The following ITGA8 variants were observed in gnomAD, a reference collection of about 807,000 sequenced individuals.
The protein encoded by ITGA8 is integrin alpha-8.
In ITGA8, 91 loss-of-function variants were observed where a neutral mutation model predicts 142.3. That is an observed-to-expected ratio of 0.64 (90% CI 0.54 to 0.76). ITGA8 has a LOEUF of 0.76. Among genes scored for constraint, ITGA8 ranks in the 30% least tolerant of loss-of-function variants. The pLI is 0.00. For missense variants in ITGA8, 1,406 were observed against 1,327.7 expected (o/e 1.06, Z -0.92); for synonymous variants, 505 against 485.2 (o/e 1.04, Z -0.54).
chr10:15,538,208 T>C (rs1383394689), intron 27 of ITGA8, among the ~76,000 whole-genome samples: 1 of 152,042 alleles, frequency 6.6e-6, no homozygotes, highest in Non-Finnish European at 1.5e-5. Flanking sequence ...ATCCTGGGTA[T>C]TCAGTTAAAA....
chr10:15,621,178 T>G (rs983719117), intron 13 of ITGA8, among the ~76,000 whole-genome samples: 2 of 152,116 alleles, frequency 1.3e-5, no homozygotes, highest in African/African-American at 4.8e-5. Flanking sequence ...GCTTTTTTTT[T>G]TTTTCCTGGA....
At position 15,557,993 on chromosome 10, in the gene ITGA8, T is replaced by G. The variant is rs9333214; in HGVS notation, c.2766+81A>C. ...ACTGAAGGAGACCAAGAACAATCCT[T>G]GAAGTTAAAACTATCTGTATTTGAG... On this transcript the variant is annotated intron_variant, in intron 26 of 29. Coordinates refer to ENST00000378076, the MANE Select transcript of ITGA8 (RefSeq NM_003638.3). 16,744 of 1,534,776 alleles carry G rather than the reference T, an allele frequency of 0.011. 1,419 individuals carry two copies. In the African/African-American group the frequency reaches 0.19, roughly 18 times the overall value.
At chr10:15,613,087 G>T (rs974832009) in intron 15 of ITGA8, among the ~76,000 whole-genome samples, 1 of 152,132 alleles carries the variant, frequency 6.6e-6, no homozygotes, top group Non-Finnish European at 1.5e-5. Context: ...CTTGGACCTG[G>T]GAGGTGGAGG....
At chr10:15,554,657 T>G (rs779379004) in intron 26 of ITGA8, among the ~76,000 whole-genome samples, 2 of 152,202 alleles carry the variant, frequency 1.3e-5, no homozygotes, top group Non-Finnish European at 2.9e-5. Context: ...CCACTTTAGT[T>G]GAAGGGTCAA....
intron 2 of ITGA8, 74 bp downstream of exon 2, chr10:15,718,692 G>C (rs1368267512): frequency 1.3e-6 from 2 of 1,570,978 alleles, no homozygotes; most frequent in African/African-American, 2.7e-5. Flanking sequence ...CCAAGACAGC[G>C]GGAAGTCGCC....
At chr10:15,606,075 C>T (rs978424189) in intron 18 of ITGA8, among the ~76,000 whole-genome samples, 4 of 152,086 alleles carry the variant, frequency 2.6e-5, no homozygotes, top group African/African-American at 9.7e-5. Context: ...ACATTTTGAA[C>T]AAATTAAATC....
chr10:15,668,992 G>T (rs1588711117), intron 8 of ITGA8, among the ~76,000 whole-genome samples: 1 of 152,138 alleles, frequency 6.6e-6, no homozygotes, highest in African/African-American at 2.4e-5. Context: ...TGATAATTAT[G>T]TGTCTTGGAG....
chr10:15,707,173 G>A (rs760713027), intron 2 of ITGA8, among the ~76,000 whole-genome samples: 3 of 152,204 alleles, frequency 2.0e-5, no homozygotes, highest in South Asian at 4.1e-4. Flanking sequence ...ATTAGGCTAC[G>A]TGGCAAAGAG....
intron 2 of ITGA8, among the ~76,000 whole-genome samples, chr10:15,709,682 C>T (rs371173641): frequency 6.0e-4 from 91 of 152,260 alleles, no homozygotes; most frequent in African/African-American, 2.0e-3. Flanking sequence ...TATAAATAGA[C>T]TGTGAATTAA....
Position 15,651,343 on chromosome 10 carries a change from T to C in ITGA8, c.1001+4011A>G, listed in dbSNP as rs1240410014. Reference sequence around the variant, plus strand: ...AGTCTTGAGATAACGAAACTGAAGATAATTTCCCCAGCTTGTTTATATTTT... The same window carrying C: ...AGTCTTGAGATAACGAAACTGAAGACAATTTCCCCAGCTTGTTTATATTTT... On this transcript the variant is annotated intron_variant, in intron 11 of 29. Transcript: ENST00000378076. 3.3e-5 allele frequency among the ~76,000 whole-genome samples: 5 copies of C among 152,218 alleles called. 1 individual carries two copies. The South Asian group carries it at 8.3e-4, about 25-fold the overall frequency.
At chr10:15,547,966 G>C (rs2131557259) in intron 27 of ITGA8, among the ~76,000 whole-genome samples, 1 of 152,140 alleles carries the variant, frequency 6.6e-6, no homozygotes, top group African/African-American at 2.4e-5. Context: ...GTCTTTACCT[G>C]CTGGGAAAAA....
intron 23 of ITGA8, among the ~76,000 whole-genome samples, chr10:15,580,126 TAAAAA>T (rs35286236): frequency 1.8e-5 from 2 of 108,894 alleles, no homozygotes; most frequent in African/African-American, 3.6e-5. Context: ...TCAGAAAATG[TAAAAA>T]AAAAAAAAAA....
At chr10:15,683,161 C>T (rs941836502) in intron 4 of ITGA8, among the ~76,000 whole-genome samples, 4 of 152,086 alleles carry the variant, frequency 2.6e-5, no homozygotes, top group Non-Finnish European at 4.4e-5. Context: ...TGTGAATTAT[C>T]AACAAGAATG....
At chr10:15,555,849 C>G (rs1588641877) in intron 26 of ITGA8, among the ~76,000 whole-genome samples, 2 of 151,934 alleles carry the variant, frequency 1.3e-5, no homozygotes, top group Middle Eastern at 6.8e-3. Context: ...GCACCCACCA[C>G]CACGCCCGGA....
chr10:15,689,926 C>A (rs940398538), intron 2 of ITGA8, among the ~76,000 whole-genome samples: 14 of 152,170 alleles, frequency 9.2e-5, no homozygotes, highest in African/African-American at 3.4e-4. Context: ...CCTTCGGCGC[C>A]AGAACCAACT....
At chr10:15,555,485 A>C (rs1162632029) in intron 26 of ITGA8, among the ~76,000 whole-genome samples, 1 of 152,164 alleles carries the variant, frequency 6.6e-6, no homozygotes. Flanking sequence ...GGAAGGAGGG[A>C]GGATGCCCCC....
intron 2 of ITGA8, among the ~76,000 whole-genome samples, chr10:15,716,798 G>A (rs1166149459): frequency 6.6e-6 from 1 of 150,950 alleles, no homozygotes; most frequent in African/African-American, 2.4e-5. Context: ...AGCCTCCCAA[G>A]TAGCTGGGAT....
intron 15 of ITGA8, among the ~76,000 whole-genome samples, chr10:15,611,814 A>ACC: frequency 6.6e-6 from 1 of 151,858 alleles, no homozygotes; most frequent in East Asian, 1.9e-4. Context: ...AAAAAAAAAA[A>ACC]AAAAAACCAC....
intron 26 of ITGA8, among the ~76,000 whole-genome samples, chr10:15,552,468 C>T (rs1440472299): frequency 6.6e-6 from 1 of 152,192 alleles, no homozygotes; most frequent in East Asian, 1.9e-4. Context: ...ATTAATACTG[C>T]ATATGTTTGG....
Sources: gnomAD v4.1 joint callset for allele counts (sites outside exome capture counted in the v4.1 genomes callset) on GRCh38, gnomAD v4.1.1 for gene constraint, MANE v1.5 for transcripts, NCBI Gene and HGNC (gene_info 2026-07-23, HGNC 2026-07-21) for gene names.